The following ANGPTL5 variants were observed in gnomAD, a reference collection of about 807,000 sequenced individuals.
ANGPTL5 encodes the protein angiopoietin like 5.
Under a neutral mutation model 39.4 loss-of-function variants are expected in ANGPTL5, and 34 were observed. That is an observed-to-expected ratio of 0.86 (90% CI 0.66 to 1.15). The LOEUF is 1.15. Ranked by LOEUF, ANGPTL5 falls within the 50% of genes most tolerant of loss-of-function variation. The pLI is 0.00. For missense variants in ANGPTL5, 467 were observed against 457.5 expected (o/e 1.02, Z -0.19); for synonymous variants, 146 against 152.1 (o/e 0.96, Z 0.29).
chr11:101,891,559 T>C lies in ANGPTL5; in HGVS notation c.887A>G (p.Asn296Ser). The stretch of plus-strand genomic sequence containing the variant: ...ATCTGATGTGCTAAAAGGCATTGCA[T>C]TTTGATTATCTTCTTTTTTGAGACC... ...FRGLKKEDNQ[N>S]AMPFSTSDVD... Residue 296 changes from asparagine (N) to serine (S), a missense_variant, in exon 9 of 9, where the codon AAT becomes AGT. By Grantham distance (46) the Asn-to-Ser change is conservative. Transcript: ENST00000334289. 1 of 1,614,042 alleles carries C rather than the reference T, an allele frequency of 6.2e-7. No homozygotes were observed. The highest frequency in any genetic ancestry group is 8.5e-7 in the Non-Finnish European group (1 of 1,179,970).
rs1279779454 is a variant in ANGPTL5 at position 101,907,846 on chromosome 11, C to T, written c.64G>A (p.Ala22Thr). The T allele has an allele frequency of 6.2e-7, 1 of 1,609,814 alleles. No individual in the cohort carries two copies. The highest frequency in any genetic ancestry group is 1.3e-5 in the African/African-American group (1 of 74,802). The change falls in exon 2 of 9, where the codon GCT (alanine) becomes ACT (threonine). Residue 22 changes from alanine to threonine, a missense_variant. Coordinates refer to ENST00000334289, the MANE Select transcript of ANGPTL5 (RefSeq NM_178127.5). ...TGATGTACACAGTTACCTTGTACAG[C>T]TTCTCCACAAATAAAAATACATACA... The part of the protein sequence containing the change: ...LNVCIFICGE[A>T]VQGNCVHHST...
At chr11:101,914,058 C>A (rs1393543995) in intron 1 of ANGPTL5, among the ~76,000 whole-genome samples, 1 of 152,214 alleles carries the variant, frequency 6.6e-6, no homozygotes, top group African/African-American at 2.4e-5. Context: ...TGAGTCATTG[C>A]AACCAAGTTT....
intron 5 of ANGPTL5, 124 bp downstream of exon 5, chr11:101,904,690 C>G: frequency 1.2e-6 from 1 of 826,220 alleles, no homozygotes; most frequent in Non-Finnish European, 2.0e-6. Flanking sequence ...TATTAGCCCT[C>G]CAGTCTGTTA....
chr11:101,914,408 C>T (rs1268318023), intron 1 of ANGPTL5, among the ~76,000 whole-genome samples: 2 of 152,154 alleles, frequency 1.3e-5, no homozygotes, highest in Middle Eastern at 3.2e-3. Context: ...GCATATCTTC[C>T]CAAGAGATTG....
intron 6 of ANGPTL5, among the ~76,000 whole-genome samples, chr11:101,901,178 T>G: frequency 6.6e-6 from 1 of 152,004 alleles, no homozygotes; most frequent in Non-Finnish European, 1.5e-5. Context: ...CGCCTGGCCG[T>G]ATTTGCAGCA....
At chr11:101,908,324 T>C (rs1940032513) in intron 1 of ANGPTL5, among the ~76,000 whole-genome samples, 3 of 152,244 alleles carry the variant, frequency 2.0e-5, no homozygotes, top group Admixed American at 1.3e-4. Context: ...AAGCTATACA[T>C]CAATAATTGC....
chr11:101,914,986 T>C (rs1298614141), intron 1 of ANGPTL5: 1 of 352,912 alleles, frequency 2.8e-6, no homozygotes, highest in African/African-American at 2.1e-5. Flanking sequence ...CTGTAGCTCC[T>C]CCCAGGTTTC....
chr11:101,913,646 G>C (rs1256321880), intron 1 of ANGPTL5, among the ~76,000 whole-genome samples: 1 of 152,148 alleles, frequency 6.6e-6, no homozygotes, highest in Non-Finnish European at 1.5e-5. Flanking sequence ...AAGCCACAAA[G>C]CAGTGAGATG....
At chr11:101,899,869 G>C (rs765141616) in intron 7 of ANGPTL5, among the ~76,000 whole-genome samples, 1 of 152,172 alleles carries the variant, frequency 6.6e-6, no homozygotes, top group Non-Finnish European at 1.5e-5. Flanking sequence ...AGAAATATTG[G>C]TGTTTCTGTT....
At position 101,907,950 on chromosome 11, in the gene ANGPTL5, T is replaced by C. The variant is rs1254843587; in HGVS notation, c.-41A>G. On this transcript the variant is annotated 5_prime_UTR_variant, in exon 2 of 9. Transcript: ENST00000334289. Reference sequence around the variant, plus strand: ...ATGAAAACACTTCTTCAAATATCAGTCAGCTCTTTGTGGAAAGAACTACAG... The same window carrying C: ...ATGAAAACACTTCTTCAAATATCAGCCAGCTCTTTGTGGAAAGAACTACAG... 1.4e-6 allele frequency: 2 copies of C among 1,387,416 alleles called. No homozygotes were observed. The highest frequency in any genetic ancestry group is 2.9e-5 in the African/African-American group (2 of 70,122). 85.9% of individuals were successfully genotyped at this position (1,387,416 alleles called of 1,614,324 possible). A position where few individuals can be genotyped will look rare whatever the true frequency, so the allele number is the denominator to read the frequency against.
chr11:101,915,353 C>G (rs1940182386), intron 1 of ANGPTL5: 1 of 1,613,962 alleles, frequency 6.2e-7, no homozygotes, highest in Non-Finnish European at 8.5e-7. Context: ...CGGACAACCT[C>G]GACAGAGCCC....
At chr11:101,910,424 A>AAAAAAT (rs1469724609) in intron 1 of ANGPTL5, among the ~76,000 whole-genome samples, 2 of 127,210 alleles carry the variant, frequency 1.6e-5, no homozygotes, top group African/African-American at 6.1e-5. Flanking sequence ...AAAAAAAAAA[A>AAAAAAT]ATATATATAT....
At chr11:101,893,330 T>G (rs1181818279) in intron 8 of ANGPTL5, among the ~76,000 whole-genome samples, 1 of 152,198 alleles carries the variant, frequency 6.6e-6, no homozygotes, top group Non-Finnish European at 1.5e-5. Context: ...GCTCAAATAT[T>G]CAAATTCATA....
chr11:101,915,536 A>C, intron 1 of ANGPTL5: 5 of 1,261,966 alleles, frequency 4.0e-6, no homozygotes, highest in South Asian at 3.1e-5. Flanking sequence ...CTTAGTGCAG[A>C]TATTTCCTTT....
At chr11:101,900,636 T>C (rs1265258042) in intron 6 of ANGPTL5, 86 bp from the exon 7 acceptor site, 12 of 1,454,948 alleles carry the variant, frequency 8.2e-6, no homozygotes, top group East Asian at 2.3e-5. Context: ...TCCTTAGGCT[T>C]AGAAAAAGAG....
chr11:101,893,263 A>T (rs375443596), intron 8 of ANGPTL5, among the ~76,000 whole-genome samples: 1 of 152,224 alleles, frequency 6.6e-6, no homozygotes, highest in East Asian at 1.9e-4. Context: ...ATCCAGAGAC[A>T]TTTATCTCAA....
chr11:101,901,526 G>T (rs1285006677), intron 6 of ANGPTL5, among the ~76,000 whole-genome samples: 2 of 152,120 alleles, frequency 1.3e-5, no homozygotes, highest in African/African-American at 4.8e-5. Flanking sequence ...ATATAGGGAA[G>T]AAATCAGAGC....
At chr11:101,915,336 G>A in intron 1 of ANGPTL5, 1 of 1,613,984 alleles carries the variant, frequency 6.2e-7, no homozygotes, top group Non-Finnish European at 8.5e-7. Flanking sequence ...ACTGGGCACT[G>A]AATCATCGGA....
chr11:101,891,401 A>C lies in ANGPTL5; in HGVS notation c.1045T>G (p.Phe349Val), dbSNP rs747763907. The change falls in exon 9 of 9, where the codon TTC becomes GTC. Residue 349 changes from phenylalanine (F) to valine (V), a missense_variant. Coordinates refer to ENST00000334289, the MANE Select transcript of ANGPTL5 (RefSeq NM_178127.5). ...GLANLNGIHH[F>V]SGKLLATGIQ... ...CCAGTTGCAAGCAATTTTCCAGAGA[A>C]GTGATGAATGCCATTTAGATTTGCT... is the stretch of plus-strand genomic sequence containing the variant. 3 of 1,613,960 alleles carry C rather than the reference A, an allele frequency of 1.9e-6. No individual in the cohort carries two copies. The highest frequency in any genetic ancestry group is 2.7e-5 in the African/African-American group (2 of 74,898).
Sources: allele counts gnomAD v4.1 joint callset (sites outside exome capture counted in the v4.1 genomes callset), GRCh38; gene constraint gnomAD v4.1.1; transcripts MANE v1.5; gene names NCBI Gene and HGNC (gene_info 2026-07-23, HGNC 2026-07-21).